Variants in CTSE observed in about 807,000 individuals in gnomAD.
The protein encoded by CTSE is cathepsin E.
CTSE carries 43 observed loss-of-function variants against 42.8 expected under a neutral mutation model. The ratio of observed to expected loss-of-function variants is 1.01; its 90% CI spans 0.79 to 1.30. The LOEUF (loss-of-function observed/expected upper bound fraction) is 1.30. Among genes scored for constraint, CTSE ranks in the 50% most tolerant of loss-of-function variants. The pLI is 0.00. For synonymous variants in CTSE, 205 were observed against 191.5 expected (o/e 1.07, Z -0.58); for missense variants, 532 against 493.5 (o/e 1.08, Z -0.74).
At position 206,012,654 on chromosome 1, in the gene CTSE, G is replaced by A. The variant is rs782229359; in HGVS notation, c.786-5C>T. 11 of 1,613,448 alleles carry A rather than the reference G, an allele frequency of 6.8e-6. No individual in the cohort carries two copies. Among genetic ancestry groups the A allele is most frequent in the African/African-American group, 1.3e-5 (1 of 74,918 alleles). On this transcript the variant is annotated splice_region_variant and splice_polypyrimidine_tract_variant and intron_variant, in intron 6 of 8. Coordinates refer to ENST00000358184, the MANE Select transcript of CTSE (RefSeq NM_001910.4). ...ACAGTGCCTCCCACCTGGATGCTGA[G>A]GGGACAGGGTTGTGGTCGGCCCACC...
At chr1:206,014,194 G>C in intron 5 of CTSE, 3 of 337,902 alleles carry the variant, frequency 8.9e-6, no homozygotes, top group Admixed American at 4.3e-5. Flanking sequence ...CCAAGGCCAG[G>C]ACCATCCTGG....
intron 4 of CTSE, among the ~76,000 whole-genome samples, chr1:206,017,396 T>C (rs1288314994): frequency 6.6e-6 from 1 of 152,076 alleles, no homozygotes; most frequent in Admixed American, 6.5e-5. Context: ...CTGGTAAGTA[T>C]AATGCAAATA....
intron 4 of CTSE, among the ~76,000 whole-genome samples, chr1:206,018,201 C>T (rs1553277909): frequency 6.6e-6 from 1 of 151,978 alleles, no homozygotes; most frequent in Middle Eastern, 3.2e-3. Flanking sequence ...TGTTATTAAC[C>T]TACTAATATA....
intron 4 of CTSE, among the ~76,000 whole-genome samples, chr1:206,019,862 T>C (rs1229736801): frequency 7.1e-6 from 1 of 140,036 alleles, no homozygotes; most frequent in African/African-American, 2.6e-5. Flanking sequence ...TATTATATAA[T>C]AGATTAACAT....
intron 5 of CTSE, 69 bp downstream of exon 5, chr1:206,015,862 A>G (rs1351027540): frequency 7.0e-7 from 1 of 1,437,398 alleles, no homozygotes. Flanking sequence ...TTGACTGCTA[A>G]GTCAAGTGTA....
intron 6 of CTSE, 37 bp from the exon 7 acceptor site, chr1:206,012,686 C>T (rs782075679): frequency 6.9e-6 from 11 of 1,600,186 alleles, no homozygotes; most frequent in African/African-American, 1.3e-5. Context: ...CACCTTCCCT[C>T]CCCCGGCTCC....
intron 3 of CTSE, 113 bp from the exon 4 acceptor site, chr1:206,021,280 G>A (rs1661414334): frequency 6.1e-6 from 5 of 814,484 alleles, no homozygotes; most frequent in Non-Finnish European, 1.0e-5. Flanking sequence ...TCTCAACACT[G>A]AGTGGGGGCC....
At chr1:206,012,445 A>G (rs1553277131) in intron 7 of CTSE, 39 bp from the exon 8 acceptor site, 1 of 1,613,338 alleles carries the variant, frequency 6.2e-7, no homozygotes, top group Admixed American at 1.7e-5. Flanking sequence ...GAGCCTTGCC[A>G]CCTCCCAAGA....
chr1:206,016,456 T>A (rs1553277753), intron 4 of CTSE, among the ~76,000 whole-genome samples: 1 of 152,102 alleles, frequency 6.6e-6, no homozygotes, highest in Non-Finnish European at 1.5e-5. Context: ...ATCTGGCTTC[T>A]GTCACTCATC....
intron 4 of CTSE, among the ~76,000 whole-genome samples, chr1:206,020,042 C>T (rs1305199041): frequency 7.0e-5 from 10 of 142,694 alleles, no homozygotes; most frequent in Non-Finnish European, 1.5e-4. Context: ...TAATATATAA[C>T]ATGTATTATA....
rs1312079613 is a variant in CTSE at position 206,013,954 on chromosome 1, C to T, written c.663-60G>A. Reference sequence around the variant, plus strand: ...GCCACTGCAAAACTCTAGGGGTGAGCCTCAGCTAGGACCCTTTGCTTCTTG... The same window carrying T: ...GCCACTGCAAAACTCTAGGGGTGAGTCTCAGCTAGGACCCTTTGCTTCTTG... On this transcript the variant is annotated intron_variant, in intron 5 of 8. Coordinates refer to ENST00000358184, the MANE Select transcript of CTSE (RefSeq NM_001910.4). 3 of 1,588,534 alleles carry T rather than the reference C, an allele frequency of 1.9e-6. No individual in the cohort carries two copies. The African/African-American group carries it at 4.0e-5, about 21-fold the overall frequency.
At chr1:206,022,537 C>T (rs1160518522) in intron 2 of CTSE, among the ~76,000 whole-genome samples, 1 of 152,072 alleles carries the variant, frequency 6.6e-6, no homozygotes, top group Non-Finnish European at 1.5e-5. Context: ...GTAGGAGAGG[C>T]AGTGGAGGAA....
In CTSE at chr1:206,021,067, A is replaced by T; in HGVS notation, c.444T>A (p.Ile148=). Residue 148 remains isoleucine (I), a synonymous_variant, in exon 4 of 9, where the codon ATT becomes ATA. Transcript: ENST00000358184. ...CACTCACAGAGACTTGGTCGGCTCC[A>T]ATGATCCCGGACAAGCTCCCGGTTC... ...QYGTGSLSGI[I]GADQVSVEGL... is the part of the protein sequence containing the mutation. 1.9e-6 allele frequency: 3 copies of T among 1,611,840 alleles called. No individual in the cohort carries two copies. The highest frequency in any genetic ancestry group is 1.7e-6 in the Non-Finnish European group (2 of 1,177,946).
chr1:206,016,165 T>A (rs1661258364), intron 4 of CTSE, 35 bp from the exon 5 acceptor site: 1 of 1,593,764 alleles, frequency 6.3e-7, no homozygotes, highest in Non-Finnish European at 8.6e-7. Flanking sequence ...AACAGGAGAA[T>A]GGCACAGGGG....
chr1:206,010,457 G>T, intron 8 of CTSE, 110 bp from the exon 9 acceptor site: 1 of 910,102 alleles, frequency 1.1e-6, no homozygotes, highest in Non-Finnish European at 1.8e-6. Context: ...GCCTTGGACA[G>T]CTGGTGGGTT....
At chr1:206,013,948 G>C in intron 5 of CTSE, 54 bp from the exon 6 acceptor site, 1 of 1,599,376 alleles carries the variant, frequency 6.3e-7, no homozygotes, top group Non-Finnish European at 8.5e-7. Flanking sequence ...AAACTCTAGG[G>C]GTGAGCCTCA....
chr1:206,023,183 A>G (rs782189085), intron 1 of CTSE, 126 bp from the exon 2 acceptor site: 5 of 957,322 alleles, frequency 5.2e-6, no homozygotes, highest in African/African-American at 1.6e-5. Context: ...GCAAGACAGC[A>G]CGCAGGATAC....
Position 206,013,757 on chromosome 1 carries a change from A to C in CTSE, c.785+15T>G. 1 of 1,612,908 alleles carries C rather than the reference A, an allele frequency of 6.2e-7. No homozygotes were observed. Among genetic ancestry groups the C allele is most frequent in the Non-Finnish European group, 8.5e-7 (1 of 1,179,292 alleles). ...TTACCCCTAGTACTGTCACTACTTC[A>C]TGGGGAATACTCACTTATCCAGTGC... is the stretch of plus-strand genomic sequence containing the variant. On this transcript the variant is annotated intron_variant, in intron 6 of 8. Coordinates refer to ENST00000358184, the MANE Select transcript of CTSE (RefSeq NM_001910.4).
At chr1:206,015,849 C>A in intron 5 of CTSE, 82 bp downstream of exon 5, 1 of 1,316,514 alleles carries the variant, frequency 7.6e-7, no homozygotes, top group South Asian at 1.3e-5. Context: ...TAAACCAGGT[C>A]TTTTGACTGC....
Sources: gnomAD v4.1 joint callset for allele counts (sites outside exome capture counted in the v4.1 genomes callset) on GRCh38, gnomAD v4.1.1 for gene constraint, MANE v1.5 for transcripts, NCBI Gene and HGNC (gene_info 2026-07-23, HGNC 2026-07-21) for gene names.